The following IQSEC1 variants were observed in gnomAD, a reference collection of about 807,000 sequenced individuals.
IQSEC1 encodes IQ motif and Sec7 domain ArfGEF 1, also known as IQ motif and SEC7 domain-containing protein 1.
A neutral mutation model predicts 91.0 loss-of-function variants in IQSEC1; 31 were observed. The ratio of observed to expected loss-of-function variants is 0.34; its 90% CI spans 0.26 to 0.46. The LOEUF is 0.46. Among genes scored for constraint, IQSEC1 ranks in the 20% least tolerant of loss-of-function variants. IQSEC1 has a pLI of 1.00. For synonymous variants in IQSEC1, 699 were observed against 662.6 expected, an observed-to-expected ratio of 1.05 and a Z score of -0.84; for missense variants, 1,388 against 1,575.6, an observed-to-expected ratio of 0.88 and a Z score of 2.02.
intron 1 of IQSEC1, among the ~76,000 whole-genome samples, chr3:13,009,819 T>G (rs1702800182): frequency 6.6e-6 from 1 of 152,154 alleles, no homozygotes; most frequent in Non-Finnish European, 1.5e-5. Context: ...GGATCCCTCC[T>G]CTCTGCCAGT....
intron 1 of IQSEC1, among the ~76,000 whole-genome samples, chr3:13,059,691 C>T (rs1704999292): frequency 6.6e-6 from 1 of 152,158 alleles, no homozygotes; most frequent in South Asian, 2.1e-4. Context: ...TTCAAGGCTC[C>T]AGTGAGCTGA....
intron 1 of IQSEC1, among the ~76,000 whole-genome samples, chr3:13,228,509 T>C (rs1694794850): frequency 2.0e-5 from 3 of 152,266 alleles, no homozygotes; most frequent in Non-Finnish European, 4.4e-5. Context: ...ATAGTAACTG[T>C]TTTATTAATC....
intron 1 of IQSEC1, among the ~76,000 whole-genome samples, chr3:13,213,892 A>G (rs1356190523): frequency 6.6e-6 from 1 of 152,110 alleles, no homozygotes; most frequent in Non-Finnish European, 1.5e-5. Context: ...GCCAGGCACC[A>G]TCCTGGGCTC....
In IQSEC1 at chr3:12,913,515, G is replaced by A; in HGVS notation, c.2229C>T (p.Cys743=). The change falls in exon 9 of 14, where the codon TGC becomes TGT. Residue 743 remains cysteine (C), a synonymous_variant. Transcript: ENST00000613206. ...TTGGGTCTGGAACCTCAAAGAGCCGGCAGTAGCAGACCAACCGACGGTGGG... is the reference window on the plus strand; with the variant it reads ...TTGGGTCTGGAACCTCAAAGAGCCGACAGTAGCAGACCAACCGACGGTGGG... The part of the protein sequence containing the change: ...SLPHRRLVCY[C]RLFEVPDPNK... 1 of 1,607,856 alleles carries A rather than the reference G, an allele frequency of 6.2e-7. No individual in the cohort carries two copies.
intron 1 of IQSEC1, among the ~76,000 whole-genome samples, chr3:13,248,164 A>G (rs1695138513): frequency 1.3e-5 from 2 of 152,142 alleles, no homozygotes; most frequent in African/African-American, 4.8e-5. Context: ...TGGGCTTGGA[A>G]ACCTGGGCTC....
chr3:13,263,886 G>A (rs1391450894), intron 1 of IQSEC1, among the ~76,000 whole-genome samples: 1 of 152,142 alleles, frequency 6.6e-6, no homozygotes, highest in Non-Finnish European at 1.5e-5. Flanking sequence ...CAGCCCCTCT[G>A]AGCCACAGTT....
chr3:12,970,185 A>G lies in IQSEC1; in HGVS notation c.24-28320T>C, dbSNP rs1033709186. ...TAATTAGTACTTACTCTGAGGCCTC[A>G]GTGGGGAAACACTGCTGTGACAAGT... On this transcript the variant is annotated intron_variant, in intron 1 of 13. Transcript: ENST00000613206. This position sits in a 1 kb window ranked among gnomAD's most constrained non-coding sequence, Gnocchi z 4.4. Among the ~76,000 whole-genome samples the G allele has an allele frequency of 1.3e-5, 2 of 152,220 alleles. No individual in the cohort carries two copies. Among genetic ancestry groups the G allele is most frequent in the Non-Finnish European group, 2.9e-5 (2 of 68,054 alleles).
At chr3:12,902,038 C>T (rs929077274) in intron 13 of IQSEC1, among the ~76,000 whole-genome samples, 1 of 151,740 alleles carries the variant, frequency 6.6e-6, no homozygotes, top group Non-Finnish European at 1.5e-5. Flanking sequence ...GTGACAGGGA[C>T]AGGTGGGGCT....
chr3:12,964,162 T>G (rs906996569), intron 1 of IQSEC1, among the ~76,000 whole-genome samples: 1 of 152,266 alleles, frequency 6.6e-6, no homozygotes, highest in South Asian at 2.1e-4. Flanking sequence ...CAGCAGCTCA[T>G]GCAGTGGGAG....
chr3:13,061,157 G>A (rs748595469), intron 1 of IQSEC1, among the ~76,000 whole-genome samples: 11 of 152,124 alleles, frequency 7.2e-5, no homozygotes, highest in Admixed American at 2.0e-4. Flanking sequence ...CCTACCCCTC[G>A]GTTCTGGCCC....
chr3:13,013,367 C>T (rs1702977665), intron 1 of IQSEC1, among the ~76,000 whole-genome samples: 1 of 152,186 alleles, frequency 6.6e-6, no homozygotes, highest in Non-Finnish European at 1.5e-5. Flanking sequence ...TGGAGTTACA[C>T]TGGTTGGGAT....
chr3:12,922,773 T>C lies in IQSEC1; in HGVS notation c.1731-531A>G, dbSNP rs940105150. 2.0e-5 allele frequency among the ~76,000 whole-genome samples: 3 copies of C among 152,060 alleles called. No homozygotes were observed. The highest frequency in any genetic ancestry group is 3.2e-3 in the Middle Eastern group (1 of 316). ...GACTTGAAAGGGCCATGCACCCTCA[T>C]CTGTGGGGCAGGGCCTGGAGGGGCG... is the stretch of plus-strand genomic sequence containing the variant. On this transcript the variant is annotated intron_variant, in intron 4 of 13. Transcript: ENST00000613206. The surrounding 1 kb of genome is among the most constrained non-coding windows in gnomAD (Gnocchi z 5.1).
intron 1 of IQSEC1, among the ~76,000 whole-genome samples, chr3:13,167,030 CAT>C (rs1370395143): frequency 1.3e-5 from 2 of 152,134 alleles, no homozygotes; most frequent in Non-Finnish European, 2.9e-5. Context: ...CATGTGCAAA[CAT>C]GTGTGCATGT....
At chr3:12,950,809 A>AT (rs559269334) in intron 1 of IQSEC1, among the ~76,000 whole-genome samples, 1,642 of 149,408 alleles carry the variant, frequency 0.011, 27 homozygotes, top group African/African-American at 0.035. Context: ...TGCCTGGCTA[A>AT]TTTTTTTTTT....
intron 1 of IQSEC1, among the ~76,000 whole-genome samples, chr3:13,052,697 C>T (rs1309057263): frequency 1.3e-5 from 2 of 152,172 alleles, no homozygotes; most frequent in Non-Finnish European, 2.9e-5. Flanking sequence ...CCACAGCCCT[C>T]CTGGCATTTC....
intron 1 of IQSEC1, among the ~76,000 whole-genome samples, chr3:13,221,787 G>T (rs931101920): frequency 6.6e-6 from 1 of 152,244 alleles, no homozygotes; most frequent in Admixed American, 6.5e-5. Flanking sequence ...CCACAAAACC[G>T]GGAACTCCCC....
chr3:13,103,829 G>A lies in IQSEC1; in HGVS notation c.303-56307C>T, dbSNP rs1475603528. Among the ~76,000 whole-genome samples the A allele has an allele frequency of 6.6e-6, 1 of 152,198 alleles. No homozygotes were observed. Among genetic ancestry groups the A allele is most frequent in the African/African-American group, 2.4e-5 (1 of 41,442 alleles). ...TGCCTCCATCACTGCTCTCTCCCCA[G>A]CGTGCGGCACATAGTAGGTGCTCAG... On this transcript the variant is annotated intron_variant, in intron 2 of 15. Coordinates refer to the IQSEC1 transcript ENST00000648114. The surrounding 1 kb of genome is among the most constrained non-coding windows in gnomAD (Gnocchi z 4.1).
chr3:13,108,033 G>C (rs1463626347), intron 2 of IQSEC1, among the ~76,000 whole-genome samples: 2 of 49,474 alleles, frequency 4.0e-5, no homozygotes, highest in African/African-American at 1.3e-4. Flanking sequence ...TTATAAAAAA[G>C]CATAAAGGAA....
intron 1 of IQSEC1, among the ~76,000 whole-genome samples, chr3:13,227,357 C>T (rs1179579289): frequency 1.1e-5 from 1 of 94,210 alleles, no homozygotes; most frequent in South Asian, 3.8e-4. Context: ...GCCTGGGCGA[C>T]AAAGCGGGAC....
Sources: allele counts gnomAD v4.1 joint callset (sites outside exome capture counted in the v4.1 genomes callset), GRCh38; gene constraint gnomAD v4.1.1; non-coding constraint Gnocchi (gnomAD v3.1); transcripts MANE v1.5; gene names NCBI Gene and HGNC (gene_info 2026-07-23, HGNC 2026-07-21).